Variants in BABAM2 observed in about 807,000 individuals in gnomAD.
The protein encoded by BABAM2 is BRISC and BRCA1-A complex member 2.
A neutral mutation model predicts 54.7 loss-of-function variants in BABAM2; 31 were observed. The observed-to-expected ratio is 0.57, with a 90% CI of 0.43 to 0.77. BABAM2 has a LOEUF of 0.77. Ranked by LOEUF, BABAM2 falls within the 30% of genes least tolerant of loss-of-function variation. The probability of loss-of-function intolerance (pLI) is 0.00; values close to 1 mark genes in which losing one functional copy is unlikely to be tolerated. For synonymous variants in BABAM2, 167 were observed against 162.9 expected (o/e 1.03, Z -0.19); for missense variants, 364 against 455.8 (o/e 0.80, Z 1.83).
At chr2:28,031,691 T>C (rs571373537) in intron 5 of BABAM2, among the ~76,000 whole-genome samples, 13 of 152,322 alleles carry the variant, frequency 8.5e-5, no homozygotes, top group African/African-American at 3.1e-4. Flanking sequence ...AAATGGAATA[T>C]ACAGGCTGTG....
intron 3 of BABAM2, among the ~76,000 whole-genome samples, chr2:27,933,896 G>C (rs954084255): frequency 2.7e-5 from 4 of 150,834 alleles, no homozygotes; most frequent in African/African-American, 9.8e-5. Flanking sequence ...ACCATGCCCA[G>C]ATCTTTTGTC....
chr2:28,170,616 T>G (rs1674216478), intron 7 of BABAM2, among the ~76,000 whole-genome samples: 1 of 152,172 alleles, frequency 6.6e-6, no homozygotes, highest in African/African-American at 2.4e-5. Flanking sequence ...CATATCTTTA[T>G]GTTTGATTGA....
At chr2:28,315,558 C>G (rs562598221) in intron 11 of BABAM2, among the ~76,000 whole-genome samples, 1 of 151,740 alleles carries the variant, frequency 6.6e-6, no homozygotes, top group East Asian at 1.9e-4. Context: ...GACTTGAATT[C>G]CTGGGCTCAA....
chr2:27,951,734 G>A (rs1248058921), intron 3 of BABAM2, among the ~76,000 whole-genome samples: 1 of 151,974 alleles, frequency 6.6e-6, no homozygotes, highest in Admixed American at 6.6e-5. Flanking sequence ...GGTTATTGGG[G>A]AACAGGTGAT....
chr2:28,033,207 G>T (rs1030411998), intron 5 of BABAM2, among the ~76,000 whole-genome samples: 4 of 151,682 alleles, frequency 2.6e-5, no homozygotes, highest in Non-Finnish European at 5.9e-5. Context: ...AAATCCTAAG[G>T]TTTCATTTTA....
At chr2:27,954,645 T>G (rs1669961156) in intron 3 of BABAM2, among the ~76,000 whole-genome samples, 2 of 152,192 alleles carry the variant, frequency 1.3e-5, no homozygotes, top group Admixed American at 1.3e-4. Context: ...CTACTCATCC[T>G]TTTTCTTGGA....
chr2:28,258,570 GTTAA>G (rs1289361273), intron 10 of BABAM2, among the ~76,000 whole-genome samples: 1 of 145,768 alleles, frequency 6.9e-6, no homozygotes, highest in East Asian at 2.0e-4. Context: ...ATTCGGGTAA[GTTAA>G]TTTGTGAAGC....
intron 7 of BABAM2, among the ~76,000 whole-genome samples, chr2:28,171,754 G>A (rs1186222588): frequency 1.3e-5 from 2 of 152,054 alleles, no homozygotes; most frequent in Admixed American, 6.6e-5. Context: ...ATTATGTCAT[G>A]GATATGTGGG....
chr2:28,001,463 C>A lies in BABAM2; in HGVS notation c.300+13376C>A, dbSNP rs1462891871. On this transcript the variant is annotated intron_variant, in intron 4 of 11. Transcript: ENST00000379624. ...ATATTTAGGCACTGTGCTCCATGCT[C>A]ACACTTTAGTAGTGGAGAAAATATG... Among the ~76,000 whole-genome samples the A allele has an allele frequency of 2.0e-5, 3 of 152,290 alleles. No homozygotes were observed. In the South Asian group the frequency reaches 6.2e-4, roughly 32 times the overall value.
chr2:28,062,617 A>G (rs1332319929), intron 6 of BABAM2, among the ~76,000 whole-genome samples: 1 of 152,016 alleles, frequency 6.6e-6, no homozygotes, highest in Non-Finnish European at 1.5e-5. Flanking sequence ...TACCTGCTTC[A>G]TAAAACTTCT....
chr2:28,149,306 C>A (rs1236423616), intron 7 of BABAM2, among the ~76,000 whole-genome samples: 1 of 152,158 alleles, frequency 6.6e-6, no homozygotes, highest in Admixed American at 6.5e-5. Flanking sequence ...TTCCTTGGAA[C>A]CTTCACCTGG....
At chr2:28,259,340 C>T (rs1206092109) in intron 10 of BABAM2, among the ~76,000 whole-genome samples, 1 of 152,082 alleles carries the variant, frequency 6.6e-6, no homozygotes, top group Admixed American at 6.6e-5. Flanking sequence ...CCCACCTCGG[C>T]CTCCCAAAGT....
At chr2:27,971,694 G>GTT (rs994032875) in intron 3 of BABAM2, among the ~76,000 whole-genome samples, 15 of 143,964 alleles carry the variant, frequency 1.0e-4, no homozygotes, top group African/African-American at 3.8e-4. Flanking sequence ...TTTCCCATGT[G>GTT]TTTTTTTTTT....
intron 5 of BABAM2, among the ~76,000 whole-genome samples, chr2:28,038,544 C>T (rs776788564): frequency 6.6e-6 from 1 of 152,120 alleles, no homozygotes; most frequent in Non-Finnish European, 1.5e-5. Flanking sequence ...TTCCTCCCTC[C>T]TTCTGGAGTC....
At chr2:28,174,482 G>A (rs967719467) in intron 7 of BABAM2, among the ~76,000 whole-genome samples, 3 of 152,202 alleles carry the variant, frequency 2.0e-5, no homozygotes, top group Non-Finnish European at 4.4e-5. Context: ...GAGAACACTG[G>A]GATTCAACAG....
At chr2:28,272,380 T>C (rs765094558) in intron 10 of BABAM2, among the ~76,000 whole-genome samples, 40 of 152,182 alleles carry the variant, frequency 2.6e-4, no homozygotes, top group Admixed American at 3.9e-4. Flanking sequence ...CTTTAAAACT[T>C]GTAGCTTTGA....
rs1193092992 is a variant in BABAM2 at position 27,933,771 on chromosome 2, T to TTTTG, written c.205+3866_205+3867insGTTT. On this transcript the variant is annotated intron_variant, in intron 3 of 11. Transcript: ENST00000379624. ...AGCCACTATGCCTGGCTTGTTTTTT[T>TTTTG]TTTTTTTTTTTTTTTTGAGACAGTC... Among the ~76,000 whole-genome samples, 827 of 148,208 alleles carry TTTTG rather than the reference T, an allele frequency of 5.6e-3. 6 individuals carry two copies. The highest frequency in any genetic ancestry group is 7.4e-3 in the Non-Finnish European group (494 of 66,974).
At chr2:28,133,135 A>G (rs1022267910) in intron 7 of BABAM2, among the ~76,000 whole-genome samples, 5 of 152,242 alleles carry the variant, frequency 3.3e-5, no homozygotes, top group Admixed American at 6.5e-5. Context: ...AACTTGGGGT[A>G]TGACTTCTAT....
chr2:28,070,575 A>C (rs1286845351), intron 6 of BABAM2, among the ~76,000 whole-genome samples: 6 of 140,756 alleles, frequency 4.3e-5, no homozygotes, highest in Admixed American at 4.2e-4. Flanking sequence ...TTTGAGACGG[A>C]GTCTCGCTCT....
Sources: allele counts gnomAD v4.1 joint callset (sites outside exome capture counted in the v4.1 genomes callset), GRCh38; gene constraint gnomAD v4.1.1; transcripts MANE v1.5; gene names NCBI Gene and HGNC (gene_info 2026-07-23, HGNC 2026-07-21).